Variants in CABP7 observed in about 807,000 individuals in gnomAD.
CABP7 encodes calcium binding protein 7.
A neutral mutation model predicts 23.1 loss-of-function variants in CABP7; 13 were observed. The ratio of observed to expected loss-of-function variants is 0.56; its 90% CI spans 0.37 to 0.90. The LOEUF (loss-of-function observed/expected upper bound fraction) is 0.90. Among genes scored for constraint, CABP7 ranks in the 40% least tolerant of loss-of-function variants. The probability of loss-of-function intolerance (pLI) is 0.01; values close to 1 mark genes in which losing one functional copy is unlikely to be tolerated. For synonymous variants in CABP7, 123 were observed against 115.3 expected (o/e 1.07, Z -0.43); for missense variants, 248 against 295.6 (o/e 0.84, Z 1.18).
At chr22:29,728,813 T>TCCA in intron 3 of CABP7, 71 bp downstream of exon 3, 4 of 1,217,882 alleles carry the variant, frequency 3.3e-6, no homozygotes, top group Non-Finnish European at 4.8e-6. Context: ...AGTGAATGGC[T>TCCA]GGGCCCACAC....
intron 1 of CABP7, among the ~76,000 whole-genome samples, chr22:29,723,179 G>A (rs2067773615): frequency 6.6e-6 from 1 of 152,220 alleles, no homozygotes; most frequent in Non-Finnish European, 1.5e-5. Flanking sequence ...GCCCGTGAGG[G>A]TGTGCAGGAG....
intron 1 of CABP7, among the ~76,000 whole-genome samples, chr22:29,722,641 C>A (rs1377180739): frequency 6.6e-6 from 1 of 152,262 alleles, no homozygotes; most frequent in Non-Finnish European, 1.5e-5. Context: ...GCCCCAGGTC[C>A]CTTTCAGCAG....
rs2147203738 is a variant in CABP7, at chr22:29,720,097, C to G, written c.-328C>G. On this transcript the variant is annotated 5_prime_UTR_variant, in exon 1 of 5. Coordinates refer to ENST00000216144, the MANE Select transcript of CABP7 (RefSeq NM_182527.3). This position sits in a 1 kb window ranked among gnomAD's most constrained non-coding sequence, Gnocchi z 5.2. ...GGCGAGCGGACTAGCGGGCGGCGAG[C>G]AGCGCGGAGCGCGCGGGGCACCGAG... 6.7e-6 allele frequency: 1 copy of G among 148,336 alleles called. No individual in the cohort carries two copies. Among genetic ancestry groups the G allele is most frequent in the African/African-American group, 2.4e-5 (1 of 41,144 alleles). The allele number at this position is 148,336 out of a possible 1,614,324, so 9.2% of individuals were successfully genotyped here. A position where few individuals can be genotyped will look rare whatever the true frequency, so the allele number is the denominator to read the frequency against.
At chr22:29,722,854 G>C (rs1304793579) in intron 1 of CABP7, among the ~76,000 whole-genome samples, 2 of 152,372 alleles carry the variant, frequency 1.3e-5, no homozygotes, top group East Asian at 1.9e-4. Flanking sequence ...CAGACAGTAC[G>C]TGCCTGCCGC....
intron 1 of CABP7, among the ~76,000 whole-genome samples, chr22:29,726,371 C>T (rs2067795711): frequency 6.6e-6 from 1 of 152,198 alleles, no homozygotes; most frequent in Non-Finnish European, 1.5e-5. Flanking sequence ...GTGAGACCAA[C>T]AGGCTGGGCT....
rs1288171249 is a variant in CABP7 at position 29,727,899 on chromosome 22, A to G, written c.253+94A>G. 1 of 1,412,316 alleles carries G rather than the reference A, an allele frequency of 7.1e-7. No homozygotes were observed. The highest frequency in any genetic ancestry group is 9.5e-7 in the Non-Finnish European group (1 of 1,053,054). 87.5% of individuals were successfully genotyped at this position (1,412,316 alleles called of 1,614,324 possible). On this transcript the variant is annotated intron_variant, in intron 2 of 4. Coordinates refer to ENST00000216144, the MANE Select transcript of CABP7 (RefSeq NM_182527.3). The surrounding 1 kb of genome is among the most constrained non-coding windows in gnomAD (Gnocchi z 4.2). ...CCTGAGCTGCTGAGGCTGCATCCAA[A>G]TTGGGTCTCTCGCTCCCCTGACTCC...
rs1297597378 is a variant in CABP7, at chr22:29,720,445, G to T, written c.21G>T (p.Thr7=). 5.8e-6 allele frequency: 9 copies of T among 1,549,792 alleles called. No individual in the cohort carries two copies. The highest frequency in any genetic ancestry group is 7.8e-6 in the Non-Finnish European group (9 of 1,150,626). The part of the protein sequence containing the change: MPFHPV[T]AALMYRGIYT... ...CCAAGATGCCGTTCCACCCGGTGAC[G>T]GCGGCGTTGATGTACCGGGGCATCT... is the stretch of plus-strand genomic sequence containing the variant. The change falls in exon 1 of 5, where the codon ACG becomes ACT. Residue 7 remains threonine, a synonymous_variant. Transcript: ENST00000216144. The surrounding 1 kb of genome is among the most constrained non-coding windows in gnomAD (Gnocchi z 5.2).
At position 29,728,746 on chromosome 22, in the gene CABP7, TC is replaced by T. The variant is rs767699592; in HGVS notation, c.366+8del. ...CTTTGATACTGTCTTCTGGAAGGTA[TC>T]CCCTGGCTAGTTGGGACCCAGGGCT... On this transcript the variant is annotated splice_donor_5th_base_variant and intron_variant, in intron 3 of 4. Transcript: ENST00000216144. 2 of 1,599,738 alleles carry T rather than the reference TC, an allele frequency of 1.3e-6. No individual in the cohort carries two copies. The highest frequency in any genetic ancestry group is 4.5e-5 in the East Asian group (2 of 44,810).
At chr22:29,722,747 C>G (rs1000508329) in intron 1 of CABP7, among the ~76,000 whole-genome samples, 3 of 152,268 alleles carry the variant, frequency 2.0e-5, no homozygotes, top group Non-Finnish European at 4.4e-5. Flanking sequence ...CCAGGGCGGT[C>G]TGGGCGAGAC....
At chr22:29,729,389 A>G (rs972559926) in intron 4 of CABP7, 53 bp from the exon 5 acceptor site, 2 of 1,597,676 alleles carry the variant, frequency 1.3e-6, no homozygotes, top group Non-Finnish European at 1.7e-6. Flanking sequence ...TCCTGACTCC[A>G]TCGCTTTGAT....
In CABP7 at chr22:29,727,086, C is replaced by T. The variant is rs961332884; in HGVS notation, c.110-576C>T. On this transcript the variant is annotated intron_variant, in intron 1 of 4. Transcript: ENST00000216144. This position sits in a 1 kb window ranked among gnomAD's most constrained non-coding sequence, Gnocchi z 4.2. ...CCCACCCAGTCTGGTCTGGCCTGGA[C>T]CTGGAGGGGGGCTCCTTCCCCCTCT... 6.6e-6 allele frequency among the ~76,000 whole-genome samples: 1 copy of T among 152,174 alleles called. No individual in the cohort carries two copies. The highest frequency in any genetic ancestry group is 1.5e-5 in the Non-Finnish European group (1 of 68,020).
At chr22:29,725,274 C>T (rs1049337342) in intron 1 of CABP7, among the ~76,000 whole-genome samples, 6 of 152,190 alleles carry the variant, frequency 3.9e-5, no homozygotes, top group South Asian at 4.1e-4. Context: ...GTCTGCTTCT[C>T]GGCTGCTTGG....
chr22:29,728,718 C>T lies in CABP7; in HGVS notation c.342C>T (p.Thr114=), dbSNP rs532674321. Residue 114 remains threonine (T), a synonymous_variant, in exon 3 of 5, where the codon ACC becomes ACT. Coordinates refer to ENST00000216144, the MANE Select transcript of CABP7 (RefSeq NM_182527.3). ...GGATCCCAGAGAAGTTCCATGGCAC[C>T]GACTTTGATACTGTCTTCTGGAAGG... ...TSGIPEKFHG[T]DFDTVFWKCD... 1.7e-5 allele frequency: 27 copies of T among 1,613,126 alleles called. No homozygotes were observed. Among genetic ancestry groups the T allele is most frequent in the South Asian group, 1.5e-4 (14 of 91,060 alleles).
At position 29,731,493 on chromosome 22, in the gene CABP7, G is replaced by T; in HGVS notation, c.*1924G>T. The T allele has an allele frequency of 8.5e-7, 1 of 1,182,318 alleles. No individual in the cohort carries two copies. The highest frequency in any genetic ancestry group is 3.0e-5 in the East Asian group (1 of 33,380). The allele number at this position is 1,182,318 out of a possible 1,614,324, so 73.2% of individuals were successfully genotyped here. Reference sequence around the variant, plus strand: ...TGACTTTTCTGGAAGGCAGAGCCTCGAAAATAGGCAGACCGTTTGAGCCAG... The same window carrying T: ...TGACTTTTCTGGAAGGCAGAGCCTCTAAAATAGGCAGACCGTTTGAGCCAG... On this transcript the variant is annotated 3_prime_UTR_variant, in exon 5 of 5. Transcript: ENST00000216144.
rs749716991 is a variant in CABP7 at position 29,727,654 on chromosome 22, C to G, written c.110-8C>G. ...GTGAAGTCCCAGCCTACTCCATTCT[C>G]TCCTCAGAGATCCGAGAGGCCTTCA... is the stretch of plus-strand genomic sequence containing the variant. On this transcript the variant is annotated splice_region_variant and splice_polypyrimidine_tract_variant and intron_variant, in intron 1 of 4. Transcript: ENST00000216144. The surrounding 1 kb of genome is among the most constrained non-coding windows in gnomAD (Gnocchi z 4.2). 3.0e-5 allele frequency: 49 copies of G among 1,613,604 alleles called. No individual in the cohort carries two copies. Among genetic ancestry groups the G allele is most frequent in the Non-Finnish European group, 3.6e-5 (42 of 1,179,948 alleles).
Position 29,720,227 on chromosome 22 carries a change from G to C in CABP7, c.-198G>C, listed in dbSNP as rs1489356997. ...GGGGCCCCGGCTGGGAGCCCGACGA[G>C]GGAGCGGGCGGCATGGCCCGGCGGC... is the stretch of plus-strand genomic sequence containing the variant. On this transcript the variant is annotated 5_prime_UTR_variant, in exon 1 of 5. Transcript: ENST00000216144. The surrounding 1 kb of genome is among the most constrained non-coding windows in gnomAD (Gnocchi z 5.2). 6.8e-6 allele frequency: 1 copy of C among 147,248 alleles called. No homozygotes were observed. The highest frequency in any genetic ancestry group is 6.8e-5 in the Admixed American group (1 of 14,758). 9.1% of individuals were successfully genotyped at this position (147,248 alleles called of 1,614,324 possible).
chr22:29,725,868 G>A (rs962067367), intron 1 of CABP7, among the ~76,000 whole-genome samples: 3 of 152,296 alleles, frequency 2.0e-5, no homozygotes, highest in South Asian at 4.1e-4. Flanking sequence ...AGTGCTGGCC[G>A]GAAACCTAAG....
In CABP7 at chr22:29,720,571, C is replaced by T. The variant is rs561088496; in HGVS notation, c.109+38C>T. 42 of 1,403,376 alleles carry T rather than the reference C, an allele frequency of 3.0e-5. No homozygotes were observed. The African/African-American group carries it at 5.5e-4, about 18-fold the overall frequency. The allele number at this position is 1,403,376 out of a possible 1,614,324, so 86.9% of individuals were successfully genotyped here. A position where few individuals can be genotyped will look rare whatever the true frequency, so the allele number is the denominator to read the frequency against. ...CGGGATCCCCGCCCCGGCGGCCCTC[C>T]TACCTGTGCGCCCAGGTGAAGCGCG... On this transcript the variant is annotated intron_variant, in intron 1 of 4. Coordinates refer to ENST00000216144, the MANE Select transcript of CABP7 (RefSeq NM_182527.3). This position sits in a 1 kb window ranked among gnomAD's most constrained non-coding sequence, Gnocchi z 5.2.
At chr22:29,723,558 C>G (rs2067776273) in intron 1 of CABP7, among the ~76,000 whole-genome samples, 1 of 152,230 alleles carries the variant, frequency 6.6e-6, no homozygotes, top group Admixed American at 6.5e-5. Flanking sequence ...AGGAAGGAGT[C>G]AGACCTCCAG....
Sources: allele counts gnomAD v4.1 joint callset (sites outside exome capture counted in the v4.1 genomes callset), GRCh38; gene constraint gnomAD v4.1.1; non-coding constraint Gnocchi (gnomAD v3.1); transcripts MANE v1.5; gene names NCBI Gene and HGNC (gene_info 2026-07-23, HGNC 2026-07-21).